Variants in CNIH3 observed in about 807,000 individuals in gnomAD.
CNIH3 encodes the protein cornichon family AMPA receptor auxiliary protein 3, also known as protein cornichon homolog 3.
CNIH3 carries 14 observed loss-of-function variants against 24.1 expected under a neutral mutation model. The observed-to-expected ratio is 0.58, with a 90% CI of 0.38 to 0.91. The LOEUF (loss-of-function observed/expected upper bound fraction) is 0.91. Ranked by LOEUF, CNIH3 falls within the 40% of genes least tolerant of loss-of-function variation. The probability of loss-of-function intolerance (pLI) is 0.00; values close to 1 mark genes in which losing one functional copy is unlikely to be tolerated. For missense variants in CNIH3, 178 were observed against 196.8 expected (o/e 0.90, Z 0.57); for synonymous variants, 68 against 73.8 (o/e 0.92, Z 0.40).
At chr1:224,443,691 A>C (rs1394497064) in intron 1 of CNIH3, among the ~76,000 whole-genome samples, 5 of 98,704 alleles carry the variant, frequency 5.1e-5, no homozygotes, top group African/African-American at 3.2e-4. Context: ...AGATATCTAT[A>C]GATATAGATA....
intron 1 of CNIH3, among the ~76,000 whole-genome samples, chr1:224,618,044 G>C (rs1315371638): frequency 1.3e-5 from 2 of 152,240 alleles, no homozygotes; most frequent in African/African-American, 4.8e-5. Context: ...GCCAGGTGGA[G>C]GGCAGCCGTG....
At chr1:224,562,546 T>C (rs1464630589) in intron 3 of CNIH3, among the ~76,000 whole-genome samples, 2 of 152,192 alleles carry the variant, frequency 1.3e-5, no homozygotes, top group South Asian at 2.1e-4. Context: ...TTTGGATATT[T>C]GTCCCCCCAA....
intron 3 of CNIH3, among the ~76,000 whole-genome samples, chr1:224,724,653 A>AGACAC (rs1234854306): frequency 2.6e-5 from 4 of 152,230 alleles, no homozygotes. Flanking sequence ...ACCTTAGGGC[A>AGACAC]GACACACAGA....
intron 3 of CNIH3, among the ~76,000 whole-genome samples, chr1:224,697,357 T>C (rs566073987): frequency 6.6e-6 from 1 of 152,296 alleles, no homozygotes; most frequent in South Asian, 2.1e-4. Flanking sequence ...TTAACAGCTC[T>C]CCAGATGATT....
intron 1 of CNIH3, among the ~76,000 whole-genome samples, chr1:224,517,211 A>C (rs10916629): frequency 0.15 from 22,613 of 152,044 alleles, 1,780 homozygotes; most frequent in Admixed American, 0.2. Context: ...CCATACTCCC[A>C]TGGGGCAGTG....
intron 1 of CNIH3, among the ~76,000 whole-genome samples, chr1:224,461,209 G>T (rs1054666538): frequency 6.6e-6 from 1 of 151,780 alleles, no homozygotes; most frequent in Non-Finnish European, 1.5e-5. Context: ...TTCCATGTTG[G>T]CCAAGCTGGT....
intron 1 of CNIH3, among the ~76,000 whole-genome samples, chr1:224,479,138 C>A (rs925491181): frequency 6.2e-5 from 9 of 144,048 alleles, no homozygotes; most frequent in African/African-American, 2.1e-4. Flanking sequence ...AGCAGTCCCC[C>A]AAAGTCTTTT....
chr1:224,670,247 G>A (rs936965049), intron 1 of CNIH3, among the ~76,000 whole-genome samples: 1 of 152,186 alleles, frequency 6.6e-6, no homozygotes, highest in South Asian at 2.1e-4. Flanking sequence ...GATGGTGTGA[G>A]GAAGGGATGT....
chr1:224,500,645 C>A (rs1677616931), intron 1 of CNIH3, among the ~76,000 whole-genome samples: 2 of 151,174 alleles, frequency 1.3e-5, no homozygotes, highest in Non-Finnish European at 2.9e-5. Context: ...TGCACTCCAA[C>A]CTGCTGGGCG....
chr1:224,717,776 ACC>A (rs1688504000), intron 3 of CNIH3: 1 of 152,336 alleles, frequency 6.6e-6, no homozygotes, highest in African/African-American at 2.4e-5. Context: ...AACTGTACTC[ACC>A]TGTAAGGGAC....
intron 3 of CNIH3, among the ~76,000 whole-genome samples, chr1:224,605,699 C>T (rs1682387606): frequency 6.6e-6 from 1 of 152,072 alleles, no homozygotes; most frequent in Non-Finnish European, 1.5e-5. Flanking sequence ...ACCCGTGACT[C>T]AACCAGTCCT....
intron 3 of CNIH3, among the ~76,000 whole-genome samples, chr1:224,693,484 G>A (rs1202400877): frequency 6.6e-6 from 1 of 152,228 alleles, no homozygotes; most frequent in South Asian, 2.1e-4. Flanking sequence ...CAGGGGGGAT[G>A]TTCTTCTGGT....
chr1:224,601,564 G>C (rs753666847), intron 3 of CNIH3, among the ~76,000 whole-genome samples: 3 of 152,098 alleles, frequency 2.0e-5, no homozygotes, highest in African/African-American at 7.2e-5. Flanking sequence ...ACAACTGCCC[G>C]ACAATCACCT....
chr1:224,633,901 C>G (rs927260666), intron 1 of CNIH3, among the ~76,000 whole-genome samples: 4 of 152,252 alleles, frequency 2.6e-5, no homozygotes, highest in Admixed American at 1.3e-4. Context: ...TCAGGGAAAG[C>G]AAGATTTTCT....
chr1:224,693,819 G>A (rs1687043972), intron 3 of CNIH3, among the ~76,000 whole-genome samples: 1 of 152,226 alleles, frequency 6.6e-6, no homozygotes, highest in Non-Finnish European at 1.5e-5. Context: ...TAGTGGAACT[G>A]GTGGTTTCTA....
At chr1:224,700,326 A>G (rs1161861962) in intron 3 of CNIH3, among the ~76,000 whole-genome samples, 1 of 152,158 alleles carries the variant, frequency 6.6e-6, no homozygotes, top group Non-Finnish European at 1.5e-5. Flanking sequence ...GTCTCCAAAT[A>G]CTTACTGTCC....
At chr1:224,502,998 C>T (rs1261223175) in intron 1 of CNIH3, among the ~76,000 whole-genome samples, 5 of 135,640 alleles carry the variant, frequency 3.7e-5, no homozygotes, top group African/African-American at 5.4e-5. Context: ...AGCTGGGTGC[C>T]AACCCCAGAA....
chr1:224,513,986 T>C (rs1678277287), upstream of CNIH3: 2 of 152,168 alleles, frequency 1.3e-5, no homozygotes, highest in Non-Finnish European at 2.9e-5. Flanking sequence ...TTTGCTGATA[T>C]TTGGACATTT....
intron 3 of CNIH3, among the ~76,000 whole-genome samples, chr1:224,560,974 G>A (rs569528418): frequency 1.8e-3 from 271 of 152,102 alleles, no homozygotes; most frequent in African/African-American, 6.0e-3. Flanking sequence ...CATTTCCCTC[G>A]TGATTAATGA....
Sources: gnomAD v4.1 joint callset for allele counts (sites outside exome capture counted in the v4.1 genomes callset) on GRCh38, gnomAD v4.1.1 for gene constraint, MANE v1.5 for transcripts, NCBI Gene and HGNC (gene_info 2026-07-23, HGNC 2026-07-21) for gene names.